The following COL6A5 variants were observed in gnomAD, a reference collection of about 807,000 sequenced individuals.
The protein encoded by COL6A5 is collagen type VI alpha 5 chain, also known as collagen alpha-5(VI) chain.
COL6A5 carries 48 observed loss-of-function variants against 65.6 expected under a neutral mutation model. That is an observed-to-expected ratio of 0.73 (90% CI 0.58 to 0.93). The LOEUF (loss-of-function observed/expected upper bound fraction) is 0.93, where lower values mean the gene tolerates loss of function less well. Among genes scored for constraint, COL6A5 ranks in the 40% least tolerant of loss-of-function variants. The pLI is 0.00. For missense variants in COL6A5, 914 were observed against 928.3 expected (o/e 0.98, Z 0.20); for synonymous variants, 291 against 322.8 (o/e 0.90, Z 1.05).
chr3:130,386,270 T>C (rs1936183029), intron 5 of COL6A5, among the ~76,000 whole-genome samples: 1 of 152,048 alleles, frequency 6.6e-6, no homozygotes, highest in Non-Finnish European at 1.5e-5. Flanking sequence ...TTGGTTTCCT[T>C]GTTTGTAGGC....
chr3:130,461,487 ACACTGATG>A (rs1392524861), intron 5 of COL6A5, among the ~76,000 whole-genome samples: 3 of 152,110 alleles, frequency 2.0e-5, no homozygotes, highest in Non-Finnish European at 4.4e-5. Flanking sequence ...ACAAATGAAG[ACACTGATG>A]CAAAGGTTAA....
chr3:130,459,682 C>T (rs1709660710), intron 5 of COL6A5, among the ~76,000 whole-genome samples: 1 of 152,028 alleles, frequency 6.6e-6, no homozygotes, highest in South Asian at 2.1e-4. Flanking sequence ...TACTTCTACA[C>T]CCTGTCTGCT....
chr3:130,382,680 A>C (rs1406177485), intron 4 of COL6A5, among the ~76,000 whole-genome samples: 2 of 152,136 alleles, frequency 1.3e-5, no homozygotes, highest in Non-Finnish European at 1.5e-5. Context: ...TTGCAATTTC[A>C]GAATGATCAA....
chr3:130,349,537 C>T (rs1934625147), intron 1 of COL6A5, among the ~76,000 whole-genome samples: 1 of 152,094 alleles, frequency 6.6e-6, no homozygotes, highest in Admixed American at 6.5e-5. Flanking sequence ...TTTTAACAAT[C>T]AGAAAACACA....
At chr3:130,399,471 C>T (rs370032498) in intron 10 of COL6A5, among the ~76,000 whole-genome samples, 9 of 150,782 alleles carry the variant, frequency 6.0e-5, no homozygotes, top group African/African-American at 2.2e-4. Context: ...CCCAGGTTCA[C>T]ACCATTCTCC....
intron 20 of COL6A5, 88 bp from the exon 21 acceptor site, chr3:130,413,457 C>CAT: frequency 2.5e-6 from 3 of 1,219,210 alleles, no homozygotes; most frequent in Non-Finnish European, 3.6e-6. Flanking sequence ...TTACTTATGT[C>CAT]TAGCAGAGAA....
At position 130,414,140 on chromosome 3, in the gene COL6A5, G is replaced by T. The variant is rs1208569435; in HGVS notation, c.4761+9G>T. ...GATTACAAGGCCCACAGGTGTGTTG[G>T]AATATTTTGTAAATATTGATAAATG... On this transcript the variant is annotated intron_variant and NMD_transcript_variant, in intron 22 of 41. Coordinates refer to the COL6A5 transcript ENST00000312481. The T allele has an allele frequency of 2.6e-6, 4 of 1,543,260 alleles. No individual in the cohort carries two copies. Among genetic ancestry groups the T allele is most frequent in the Non-Finnish European group, 3.5e-6 (4 of 1,139,668 alleles).
In COL6A5 at chr3:130,371,079, A is replaced by C. The variant is rs948362611; in HGVS notation, c.-28-2532A>C. ...TGAACATTTACTGGCTTCTGAATTCACGTGGCTGTACAGAAAGGCCTCCTC... is the reference window on the plus strand; with the variant it reads ...TGAACATTTACTGGCTTCTGAATTCCCGTGGCTGTACAGAAAGGCCTCCTC... On this transcript the variant is annotated intron_variant and NMD_transcript_variant, in intron 1 of 41. Transcript: ENST00000312481. 2.0e-5 allele frequency among the ~76,000 whole-genome samples: 3 copies of C among 152,202 alleles called. 1 individual carries two copies. Among genetic ancestry groups the C allele is most frequent in the Non-Finnish European group, 4.4e-5 (3 of 68,026 alleles).
At chr3:130,439,469 A>C (rs1209720220) in intron 1 of COL6A5, 53 bp from the exon 34 acceptor site, 2 of 1,333,694 alleles carry the variant, frequency 1.5e-6, no homozygotes, top group Non-Finnish European at 1.0e-6. Context: ...GTGGTTTCCT[A>C]CTAGTGACTA....
chr3:130,450,539 C>T (rs1008595413), intron 4 of COL6A5, among the ~76,000 whole-genome samples: 1 of 152,144 alleles, frequency 6.6e-6, no homozygotes, highest in Non-Finnish European at 1.5e-5. Flanking sequence ...AATGCCTTCA[C>T]AAGCTTTAAT....
intron 5 of COL6A5, among the ~76,000 whole-genome samples, chr3:130,459,690 G>A (rs73868669): frequency 0.012 from 1,834 of 152,014 alleles, 42 homozygotes; most frequent in African/African-American, 0.041. Context: ...CACCCTGTCT[G>A]CTGTTCCCTT....
intron 3 of COL6A5, among the ~76,000 whole-genome samples, chr3:130,442,190 G>C (rs1709198072): frequency 6.6e-6 from 1 of 152,044 alleles, no homozygotes; most frequent in Non-Finnish European, 1.5e-5. Flanking sequence ...TTTCCTATTA[G>C]AGCATTTTGT....
At chr3:130,470,022 C>T (rs1176942625) in intron 6 of COL6A5, among the ~76,000 whole-genome samples, 1 of 152,050 alleles carries the variant, frequency 6.6e-6, no homozygotes. Context: ...TGCCCTCCAC[C>T]TACTCCAAGG....
intron 1 of COL6A5, among the ~76,000 whole-genome samples, chr3:130,369,415 G>A (rs1935469545): frequency 6.6e-6 from 1 of 152,086 alleles, no homozygotes; most frequent in Non-Finnish European, 1.5e-5. Context: ...TTACACCGAG[G>A]CCTTTGCTAT....
At chr3:130,369,043 T>C (rs1248734504) in intron 1 of COL6A5, among the ~76,000 whole-genome samples, 1 of 152,172 alleles carries the variant, frequency 6.6e-6, no homozygotes, top group East Asian at 1.9e-4. Context: ...AGCTGTGCCC[T>C]TCTCCCTCTA....
chr3:130,415,385 C>T (rs951736995), intron 22 of COL6A5, among the ~76,000 whole-genome samples: 1 of 152,090 alleles, frequency 6.6e-6, no homozygotes, highest in Non-Finnish European at 1.5e-5. Flanking sequence ...GGTTTCATTT[C>T]CCGCTTTGGC....
intron 3 of COL6A5, among the ~76,000 whole-genome samples, chr3:130,441,650 T>A (rs1160436958): frequency 6.6e-6 from 1 of 152,168 alleles, no homozygotes; most frequent in Non-Finnish European, 1.5e-5. Flanking sequence ...GTTCTCAATA[T>A]GGCACAATTT....
chr3:130,476,933 G>A (rs1559923674), intron 7 of COL6A5: 1 of 721,184 alleles, frequency 1.4e-6, no homozygotes, highest in East Asian at 2.7e-5. Flanking sequence ...CCTGCTCCCT[G>A]AAGCCAATCT....
At chr3:130,481,894 G>A (rs768502676) in intron 7 of COL6A5, among the ~76,000 whole-genome samples, 2 of 151,958 alleles carry the variant, frequency 1.3e-5, no homozygotes, top group South Asian at 4.2e-4. Flanking sequence ...TAATGGGGTT[G>A]TTTTTTTAAA....
Sources: gnomAD v4.1 joint callset for allele counts (sites outside exome capture counted in the v4.1 genomes callset) on GRCh38, gnomAD v4.1.1 for gene constraint, MANE v1.5 for transcripts, NCBI Gene and HGNC (gene_info 2026-07-23, HGNC 2026-07-21) for gene names.